The following RAB28 variants were observed in gnomAD, a reference collection of about 807,000 sequenced individuals.
The protein encoded by RAB28 is RAB28, member RAS oncogene family, also known as ras-related protein Rab-28.
In RAB28, 24 loss-of-function variants were observed where a neutral mutation model predicts 31.7. The ratio of observed to expected loss-of-function variants is 0.76; its 90% CI spans 0.55 to 1.06. RAB28 has a LOEUF of 1.06. Ranked by LOEUF, RAB28 falls within the 50% of genes least tolerant of loss-of-function variation. RAB28 has a pLI of 0.00. For synonymous variants in RAB28, 100 were observed against 90.4 expected (o/e 1.11, Z -0.60); for missense variants, 254 against 258.5 (o/e 0.98, Z 0.12).
intron 4 of RAB28, among the ~76,000 whole-genome samples, chr4:13,450,238 C>T (rs1422730228): frequency 2.0e-5 from 3 of 151,432 alleles, no homozygotes; most frequent in Non-Finnish European, 4.4e-5. Context: ...ATGTAAAAGC[C>T]ACAAGTTAGG....
intron 3 of RAB28, 180 bp downstream of exon 3, chr4:13,474,138 C>A: frequency 1.4e-6 from 1 of 732,890 alleles, no homozygotes; most frequent in Non-Finnish European, 2.5e-6. Flanking sequence ...CCAAATCACT[C>A]CAAACATAAT....
Position 13,465,040 on chromosome 4 carries a change from G to C in RAB28, c.262-4212C>G, listed in dbSNP as rs555625380. The stretch of plus-strand genomic sequence containing the variant: ...AATGCCATTGTTGGGTACATTGCTG[G>C]ACACGGCATAGGAAAAAAACTCACT... On this transcript the variant is annotated intron_variant, in intron 3 of 6. Coordinates refer to ENST00000330852, the MANE Select transcript of RAB28 (RefSeq NM_001017979.3). 1.1e-3 allele frequency among the ~76,000 whole-genome samples: 169 copies of C among 152,002 alleles called. 2 individuals carry two copies. The highest frequency in any genetic ancestry group is 3.4e-3 in the Middle Eastern group (1 of 294).
intron 3 of RAB28, 65 bp from the exon 4 acceptor site, chr4:13,460,893 T>A: frequency 6.8e-7 from 1 of 1,461,334 alleles, no homozygotes; most frequent in East Asian, 2.3e-5. Context: ...TAATGAATAC[T>A]TGCGTAATGC....
At chr4:13,408,580 C>T (rs1028031147) in intron 4 of RAB28, among the ~76,000 whole-genome samples, 2 of 151,488 alleles carry the variant, frequency 1.3e-5, no homozygotes, top group African/African-American at 4.9e-5. Flanking sequence ...AATAGCAAAA[C>T]AGAGCTTTTT....
At chr4:13,415,792 C>T (rs1271386896) in intron 4 of RAB28, among the ~76,000 whole-genome samples, 1 of 152,218 alleles carries the variant, frequency 6.6e-6, no homozygotes, top group Non-Finnish European at 1.5e-5. Flanking sequence ...GACTGGCAGG[C>T]AGCTCCACCT....
intron 4 of RAB28, among the ~76,000 whole-genome samples, chr4:13,428,543 A>G (rs1275204289): frequency 1.3e-5 from 2 of 152,256 alleles, no homozygotes; most frequent in African/African-American, 4.8e-5. Flanking sequence ...AGTTTTAAAG[A>G]GAGGCTCAAC....
rs899747833 is a variant in RAB28 at position 13,368,013 on chromosome 4, T to C, written c.*545A>G. 4.1e-5 allele frequency: 40 copies of C among 971,500 alleles called. No individual in the cohort carries two copies. The highest frequency in any genetic ancestry group is 3.3e-4 in the South Asian group (7 of 21,028). The allele number at this position is 971,500 out of a possible 1,614,324, so 60.2% of individuals were successfully genotyped here. A position where few individuals can be genotyped will look rare whatever the true frequency, so the allele number is the denominator to read the frequency against. ...CCCTTTTTTAAAAAATGAAAAAATATTTCTATTACAGGCTTATTTCAAGCA... is the reference window on the plus strand; with the variant it reads ...CCCTTTTTTAAAAAATGAAAAAATACTTCTATTACAGGCTTATTTCAAGCA... On this transcript the variant is annotated 3_prime_UTR_variant, in exon 7 of 7. Transcript: ENST00000330852.
At chr4:13,443,108 G>T (rs1023506555) in intron 4 of RAB28, among the ~76,000 whole-genome samples, 3 of 151,976 alleles carry the variant, frequency 2.0e-5, no homozygotes, top group Non-Finnish European at 2.9e-5. Flanking sequence ...CAATTGTTGA[G>T]CTTCAAGTTA....
chr4:13,368,269 G>C lies in RAB28; in HGVS notation c.*289C>G, dbSNP rs1039955230. ...AAAAAAATTTACATCAATGAAAAAA[G>C]AAGCAAGGACATACAAAGAAACAAC... On this transcript the variant is annotated 3_prime_UTR_variant, in exon 7 of 7. Transcript: ENST00000330852. 1.9e-6 allele frequency: 2 copies of C among 1,053,012 alleles called. No homozygotes were observed. Among genetic ancestry groups the C allele is most frequent in the Non-Finnish European group, 2.3e-6 (2 of 874,738 alleles). The allele number at this position is 1,053,012 out of a possible 1,614,324, so 65.2% of individuals were successfully genotyped here. A position where few individuals can be genotyped will look rare whatever the true frequency, so the allele number is the denominator to read the frequency against.
intron 4 of RAB28, among the ~76,000 whole-genome samples, chr4:13,415,153 G>T (rs1712675999): frequency 6.6e-6 from 1 of 152,312 alleles, no homozygotes; most frequent in Non-Finnish European, 1.5e-5. Context: ...GACTATCAGA[G>T]ACTGACTTTT....
At chr4:13,419,519 A>C (rs1256903844) in intron 4 of RAB28, among the ~76,000 whole-genome samples, 2 of 152,222 alleles carry the variant, frequency 1.3e-5, no homozygotes, top group African/African-American at 4.8e-5. Flanking sequence ...TCCTCAGCAA[A>C]TGTAAAAGAA....
At chr4:13,394,463 C>G (rs760757699) in intron 4 of RAB28, among the ~76,000 whole-genome samples, 2 of 152,208 alleles carry the variant, frequency 1.3e-5, no homozygotes, top group Non-Finnish European at 2.9e-5. Context: ...GTAATGCTCA[C>G]TGTCCACTGC....
chr4:13,406,571 C>A (rs1025984656), intron 4 of RAB28, among the ~76,000 whole-genome samples: 1 of 152,156 alleles, frequency 6.6e-6, no homozygotes, highest in Non-Finnish European at 1.5e-5. Context: ...ATTGAGGAAT[C>A]GCCACACTGT....
intron 4 of RAB28, among the ~76,000 whole-genome samples, chr4:13,407,078 G>A (rs1293989818): frequency 6.6e-6 from 1 of 152,102 alleles, no homozygotes; most frequent in Non-Finnish European, 1.5e-5. Context: ...TGAAGTCTTT[G>A]CCCAAGCCTA....
At position 13,393,414 on chromosome 4, in the gene RAB28, C is replaced by T. The variant is rs1350595447; in HGVS notation, c.392-11820G>A. On this transcript the variant is annotated intron_variant, in intron 4 of 6. Transcript: ENST00000330852. ...GGTTTTGTGTGCGTTAAGAAGTTTA[C>T]GTGCGAATAGGTGATCATCTACAAG... Among the ~76,000 whole-genome samples the T allele has an allele frequency of 3.9e-5, 6 of 152,158 alleles. No homozygotes were observed. In the East Asian group the frequency reaches 9.6e-4, roughly 24 times the overall value.
chr4:13,479,447 C>T lies in RAB28; in HGVS notation c.155G>A (p.Arg52Lys). The change falls in exon 2 of 7, where the codon AGA becomes AAA. Residue 52 changes from arginine (R) to lysine (K), a missense_variant. Arg to Lys is a conservative substitution (Grantham distance 26). Transcript: ENST00000330852. ...TCTCTTACCTGGCAATGTTATCCTTCTCAAAAAGAAATCCAGTCCTATAGT... is the reference window on the plus strand; with the variant it reads ...TCTCTTACCTGGCAATGTTATCCTTTTCAAAAAGAAATCCAGTCCTATAGT... ...KQTIGLDFFL[R>K]RITLPGNLNV... 1 of 1,603,644 alleles carries T rather than the reference C, an allele frequency of 6.2e-7. No individual in the cohort carries two copies. The highest frequency in any genetic ancestry group is 8.5e-7 in the Non-Finnish European group (1 of 1,172,256).
At chr4:13,449,971 T>C (rs528175339) in intron 4 of RAB28, among the ~76,000 whole-genome samples, 5 of 151,956 alleles carry the variant, frequency 3.3e-5, no homozygotes, top group African/African-American at 7.2e-5. Context: ...GGATTAAAGA[T>C]AGAAAATAAC....
At chr4:13,422,243 AAAC>A (rs1249311349) in intron 4 of RAB28, among the ~76,000 whole-genome samples, 2 of 151,674 alleles carry the variant, frequency 1.3e-5, no homozygotes, top group Admixed American at 1.3e-4. Context: ...ATTAAAAAGG[AAAC>A]AACAGATGCT....
intron 6 of RAB28, among the ~76,000 whole-genome samples, chr4:13,369,405 T>C (rs1728630902): frequency 6.6e-6 from 1 of 152,128 alleles, no homozygotes; most frequent in Non-Finnish European, 1.5e-5. Context: ...CACTTAGCAA[T>C]ATGCTTAATA....
Sources: gnomAD v4.1 joint callset for allele counts (sites outside exome capture counted in the v4.1 genomes callset) on GRCh38, gnomAD v4.1.1 for gene constraint, MANE v1.5 for transcripts, NCBI Gene and HGNC (gene_info 2026-07-23, HGNC 2026-07-21) for gene names.